N4BP2: variants seen among roughly 807,000 people sequenced by gnomAD.
The protein encoded by N4BP2 is NEDD4-binding protein 2.
N4BP2 carries 91 observed loss-of-function variants against 152.8 expected under a neutral mutation model. That is an observed-to-expected ratio of 0.60 (90% CI 0.50 to 0.71). N4BP2 has a LOEUF of 0.71. Among genes scored for constraint, N4BP2 ranks in the 30% least tolerant of loss-of-function variants. The pLI, the probability that N4BP2 is intolerant of heterozygous loss-of-function variation, is 0.00. For synonymous variants in N4BP2, 646 were observed against 705.3 expected (o/e 0.92, Z 1.33); for missense variants, 1,923 against 2,059.1 (o/e 0.93, Z 1.28).
the N4BP2 span, among the ~76,000 whole-genome samples, chr4:40,172,502 A>G: frequency 1.1e-4 from 17 of 152,306 alleles, no homozygotes; most frequent in Non-Finnish European, 8.8e-5. Flanking sequence ...CCTTATAAAA[A>G]GGAGGAATTT....
chr4:40,063,630 TAATTA>T (rs918265997), intron 1 of N4BP2, among the ~76,000 whole-genome samples: 3 of 152,150 alleles, frequency 2.0e-5, no homozygotes, highest in Non-Finnish European at 4.4e-5. Context: ...TATTTATTTT[TAATTA>T]AATTAATTAA....
chr4:40,177,888 G>A, the N4BP2 span, among the ~76,000 whole-genome samples: 1 of 152,056 alleles, frequency 6.6e-6, no homozygotes, highest in East Asian at 1.9e-4. Flanking sequence ...TGCCTGCATG[G>A]GTTCACTCTG....
chr4:40,178,917 AT>A, the N4BP2 span, among the ~76,000 whole-genome samples: 2 of 151,472 alleles, frequency 1.3e-5, no homozygotes, highest in Non-Finnish European at 2.9e-5. Context: ...TGGTACTTCT[AT>A]TTGATTTGCA....
chr4:40,084,315 A>G (rs551757624), intron 2 of N4BP2, among the ~76,000 whole-genome samples: 2 of 152,284 alleles, frequency 1.3e-5, no homozygotes, highest in South Asian at 4.1e-4. Context: ...AATAGGCAAA[A>G]ATGACTTAGT....
chr4:40,071,543 G>C (rs939171761), intron 1 of N4BP2, among the ~76,000 whole-genome samples: 1 of 152,080 alleles, frequency 6.6e-6, no homozygotes, highest in African/African-American at 2.4e-5. Context: ...CTATAGGGTG[G>C]TACTTTGACA....
chr4:40,076,588 A>G (rs1051920435), intron 2 of N4BP2, among the ~76,000 whole-genome samples: 1 of 151,910 alleles, frequency 6.6e-6, no homozygotes, highest in African/African-American at 2.4e-5. Flanking sequence ...TCCTGGGTTC[A>G]TGCCATTCTC....
intron 10 of N4BP2, 87 bp from the exon 11 acceptor site, chr4:40,124,073 T>C: frequency 2.0e-6 from 2 of 981,930 alleles, no homozygotes; most frequent in Non-Finnish European, 1.6e-6. Flanking sequence ...GGAGAAATGA[T>C]TTCTAGAGAA....
At position 40,122,064 on chromosome 4, in the gene N4BP2, C is replaced by A; in HGVS notation, c.3953C>A (p.Pro1318Gln). ...SLEIKRNENF[P>Q]KDYVKFSDEE... Reference sequence around the variant, plus strand: ...GAAATAAAGAGAAATGAAAATTTTCCAAAGGATTATGTGAAATTTTCAGAT... The same window carrying A: ...GAAATAAAGAGAAATGAAAATTTTCAAAAGGATTATGTGAAATTTTCAGAT... Residue 1318 changes from proline (P) to glutamine (Q), a missense_variant, in exon 9 of 18, where the codon CCA becomes CAA. Pro to Gln is a moderately conservative substitution (Grantham distance 76). Coordinates refer to ENST00000261435, the MANE Select transcript of N4BP2 (RefSeq NM_018177.6). 6.5e-7 allele frequency: 1 copy of A among 1,544,594 alleles called. No homozygotes were observed.
At chr4:40,125,205 G>A (rs1032418870) in intron 11 of N4BP2, among the ~76,000 whole-genome samples, 2 of 152,206 alleles carry the variant, frequency 1.3e-5, no homozygotes, top group African/African-American at 4.8e-5. Context: ...GGTGCCCAAA[G>A]GATGGTGTGC....
intron 2 of N4BP2, among the ~76,000 whole-genome samples, chr4:40,081,461 C>T (rs1349706052): frequency 6.6e-6 from 1 of 151,646 alleles, no homozygotes; most frequent in Non-Finnish European, 1.5e-5. Flanking sequence ...ATCTGACCAA[C>T]ATGGTAAAAC....
chr4:40,069,204 G>A (rs550411811), intron 1 of N4BP2, among the ~76,000 whole-genome samples: 5 of 152,070 alleles, frequency 3.3e-5, no homozygotes, highest in South Asian at 2.1e-4. Flanking sequence ...TTGGGAGGCC[G>A]AGGCGGGCAC....
At chr4:40,116,721 G>C (rs1383803252) in intron 7 of N4BP2, among the ~76,000 whole-genome samples, 1 of 151,910 alleles carries the variant, frequency 6.6e-6, no homozygotes, top group Non-Finnish European at 1.5e-5. Context: ...ATTGCCTTCT[G>C]CCTGATGTTC....
chr4:40,077,340 G>T (rs1712852550), intron 2 of N4BP2, among the ~76,000 whole-genome samples: 1 of 151,726 alleles, frequency 6.6e-6, no homozygotes, highest in Non-Finnish European at 1.5e-5. Flanking sequence ...TGGAGACAGG[G>T]TTTTACCATG....
chr4:40,145,622 G>C (rs1362090739), intron 16 of N4BP2, among the ~76,000 whole-genome samples: 3 of 152,176 alleles, frequency 2.0e-5, no homozygotes, highest in Non-Finnish European at 2.9e-5. Context: ...AATCCAGAGA[G>C]AAGAAAACTC....
downstream of N4BP2, among the ~76,000 whole-genome samples, chr4:40,162,593 G>A (rs1721887631): frequency 6.6e-6 from 1 of 152,118 alleles, no homozygotes; most frequent in South Asian, 2.1e-4. Context: ...ATGTCAACTG[G>A]GATATTTAGA....
chr4:40,087,821 A>G (rs1401555917), intron 2 of N4BP2, among the ~76,000 whole-genome samples: 1 of 151,780 alleles, frequency 6.6e-6, no homozygotes, highest in Non-Finnish European at 1.5e-5. Flanking sequence ...ATCTCGGCTT[A>G]CTGCAACCTC....
At chr4:40,134,932 T>C in intron 13 of N4BP2, among the ~76,000 whole-genome samples, 1 of 19,144 alleles carries the variant, frequency 5.2e-5, no homozygotes, top group Non-Finnish European at 1.3e-4. Flanking sequence ...TTTCTTTCTT[T>C]TTTATTTTAT....
At chr4:40,088,118 G>T (rs900361571) in intron 2 of N4BP2, among the ~76,000 whole-genome samples, 1 of 152,164 alleles carries the variant, frequency 6.6e-6, no homozygotes, top group Non-Finnish European at 1.5e-5. Context: ...GTATGCATCA[G>T]TAATATGTTT....
In N4BP2 at chr4:40,118,003, C is replaced by A; in HGVS notation, c.1799C>A (p.Ser600Tyr). 6.2e-7 allele frequency: 1 copy of A among 1,601,596 alleles called. No homozygotes were observed. The highest frequency in any genetic ancestry group is 1.1e-5 in the South Asian group (1 of 88,652). Residue 600 changes from serine (S) to tyrosine (Y), a missense_variant, in exon 8 of 18, where the codon TCT becomes TAT. Transcript: ENST00000261435. The part of the protein sequence containing the change: ...KIERIELCAY[S>Y]CEDRSTSPRD... ...GAACGTATTGAGTTGTGTGCATATT[C>A]TTGTGAGGATAGAAGCACTAGGTAG... is the stretch of plus-strand genomic sequence containing the variant.
Sources: gnomAD v4.1 joint callset for allele counts (sites outside exome capture counted in the v4.1 genomes callset) on GRCh38, gnomAD v4.1.1 for gene constraint, MANE v1.5 for transcripts, NCBI Gene and HGNC (gene_info 2026-07-23, HGNC 2026-07-21) for gene names.